Variants in RNGTT observed in about 807,000 individuals in gnomAD.
The protein encoded by RNGTT is mRNA-capping enzyme.
Under a neutral mutation model 79.3 loss-of-function variants are expected in RNGTT, and 33 were observed. The ratio of observed to expected loss-of-function variants is 0.42; its 90% CI spans 0.32 to 0.56. The LOEUF (loss-of-function observed/expected upper bound fraction) is 0.56. Among genes scored for constraint, RNGTT ranks in the 20% least tolerant of loss-of-function variants. The pLI is 0.17. For synonymous variants in RNGTT, 222 were observed against 235.9 expected (o/e 0.94, Z 0.54); for missense variants, 497 against 739.1 (o/e 0.67, Z 3.80).
Position 88,853,768 on chromosome 6 carries a change from T to C in RNGTT, c.897-4A>G. 6.6e-7 allele frequency: 1 copy of C among 1,515,012 alleles called. No homozygotes were observed. Among genetic ancestry groups the C allele is most frequent in the South Asian group, 1.2e-5 (1 of 84,370 alleles). 93.8% of individuals were successfully genotyped at this position (1,515,012 alleles called of 1,614,324 possible). On this transcript the variant is annotated splice_polypyrimidine_tract_variant and splice_region_variant and intron_variant, in intron 8 of 15. Transcript: ENST00000369485. ...GCCATCAATCAACATCATGTACCTG[T>C]AAATGAAACATTAAAAAGCTAATAT...
intron 14 of RNGTT, among the ~76,000 whole-genome samples, chr6:88,615,013 G>GT (rs1051358930): frequency 3.7e-4 from 56 of 152,236 alleles, no homozygotes; most frequent in African/African-American, 1.3e-3. Flanking sequence ...TAGTTGATGG[G>GT]TTTTTTGGCT....
chr6:88,773,186 T>C (rs1289572087), intron 12 of RNGTT, among the ~76,000 whole-genome samples: 3 of 150,544 alleles, frequency 2.0e-5, no homozygotes, highest in African/African-American at 7.4e-5. Flanking sequence ...TGGATGAAAT[T>C]GGAAATCATC....
chr6:88,684,825 T>C (rs1407846315), intron 13 of RNGTT, among the ~76,000 whole-genome samples: 3 of 152,244 alleles, frequency 2.0e-5, no homozygotes, highest in East Asian at 3.9e-4. Flanking sequence ...CTAATAAATG[T>C]AGCACTCTGA....
chr6:88,829,386 G>A lies in RNGTT; in HGVS notation c.1269+14971C>T, dbSNP rs117374968. Among the ~76,000 whole-genome samples, 184 of 152,058 alleles carry A rather than the reference G, an allele frequency of 1.2e-3. 4 individuals carry two copies. The East Asian group carries it at 0.032, about 26-fold the overall frequency. On this transcript the variant is annotated intron_variant, in intron 11 of 15. Coordinates refer to ENST00000369485, the MANE Select transcript of RNGTT (RefSeq NM_003800.5). ...AGCTCCTGAAGGAAGCACCAAATACGGAAGGAAAAAACCAGTATCAACCAC... is the reference window on the plus strand; with the variant it reads ...AGCTCCTGAAGGAAGCACCAAATACAGAAGGAAAAAACCAGTATCAACCAC...
intron 8 of RNGTT, among the ~76,000 whole-genome samples, chr6:88,866,633 G>T (rs988830633): frequency 6.6e-6 from 1 of 152,196 alleles, no homozygotes; most frequent in East Asian, 1.9e-4. Context: ...AGAAAGTAAG[G>T]ACTCTAATAA....
chr6:88,729,095 C>T (rs933119714), intron 13 of RNGTT, among the ~76,000 whole-genome samples: 3 of 152,166 alleles, frequency 2.0e-5, no homozygotes, highest in Non-Finnish European at 2.9e-5. Context: ...TGTCAAAGTC[C>T]GACACCCTGC....
intron 2 of RNGTT, among the ~76,000 whole-genome samples, chr6:88,934,642 T>C (rs1233119145): frequency 6.6e-6 from 1 of 152,186 alleles, no homozygotes; most frequent in Non-Finnish European, 1.5e-5. Context: ...GTGCAGAAGC[T>C]TTTTTATTTT....
At chr6:88,629,196 G>A (rs193058131) in intron 14 of RNGTT, among the ~76,000 whole-genome samples, 1 of 152,142 alleles carries the variant, frequency 6.6e-6, no homozygotes, top group Non-Finnish European at 1.5e-5. Context: ...CTGTGAAATG[G>A]GGATTAAGTG....
chr6:88,911,996 T>C (rs1452358542), intron 4 of RNGTT, among the ~76,000 whole-genome samples: 2 of 151,898 alleles, frequency 1.3e-5, no homozygotes, highest in Non-Finnish European at 2.9e-5. Context: ...GGTGGGAGGA[T>C]TGCTTGAACC....
Position 88,612,489 on chromosome 6 carries a change from G to A in RNGTT, c.*230C>T, listed in dbSNP as rs1772060962. 1 of 432,854 alleles carries A rather than the reference G, an allele frequency of 2.3e-6. No homozygotes were observed. Among genetic ancestry groups the A allele is most frequent in the Non-Finnish European group, 4.1e-6 (1 of 241,952 alleles). The allele number at this position is 432,854 out of a possible 1,614,324, so 26.8% of individuals were successfully genotyped here. A position where few individuals can be genotyped will look rare whatever the true frequency, so the allele number is the denominator to read the frequency against. ...TTCAGATTCCACAAGGTAAGGCTGA[G>A]TTTATCAGATAAATAAGATGTTTAA... On this transcript the variant is annotated 3_prime_UTR_variant, in exon 16 of 16. Transcript: ENST00000369485.
At chr6:88,889,067 T>C (rs1782960538) in intron 8 of RNGTT, among the ~76,000 whole-genome samples, 1 of 152,184 alleles carries the variant, frequency 6.6e-6, no homozygotes, top group African/African-American at 2.4e-5. Context: ...ACCTGCCATA[T>C]AACCCAGAGA....
At chr6:88,793,585 C>T (rs1207487807) in intron 12 of RNGTT, among the ~76,000 whole-genome samples, 5 of 152,104 alleles carry the variant, frequency 3.3e-5, no homozygotes, top group Admixed American at 3.3e-4. Flanking sequence ...GGTAGGATGG[C>T]CAGGTGTGGT....
At chr6:88,709,804 G>T (rs1291800507) in intron 13 of RNGTT, among the ~76,000 whole-genome samples, 1 of 152,114 alleles carries the variant, frequency 6.6e-6, no homozygotes, top group African/African-American at 2.4e-5. Context: ...TACCATATTG[G>T]AAAGTACAAA....
At position 88,926,434 on chromosome 6, in the gene RNGTT, T is replaced by A. The variant is rs577311761; in HGVS notation, c.367+2551A>T. Among the ~76,000 whole-genome samples, 22 of 152,378 alleles carry A rather than the reference T, an allele frequency of 1.4e-4. No homozygotes were observed. In the South Asian group the frequency reaches 3.9e-3, roughly 27 times the overall value. ...TAATAGAGGTGGGGATTTTACAAATTAATTTCAAAGTAATTCTGCCTAACT... is the reference window on the plus strand; with the variant it reads ...TAATAGAGGTGGGGATTTTACAAATAAATTTCAAAGTAATTCTGCCTAACT... On this transcript the variant is annotated intron_variant, in intron 4 of 15. Coordinates refer to ENST00000369485, the MANE Select transcript of RNGTT (RefSeq NM_003800.5).
intron 4 of RNGTT, among the ~76,000 whole-genome samples, chr6:88,913,214 CAAAAAAAAAA>C (rs58717773): frequency 1.5e-5 from 1 of 65,544 alleles, no homozygotes; most frequent in Non-Finnish European, 3.6e-5. Context: ...CAAAAAAAAA[CAAAAAAAAAA>C]AACAAAAAAA....
chr6:88,933,760 T>C (rs60979143), intron 2 of RNGTT, among the ~76,000 whole-genome samples: 2,100 of 152,354 alleles, frequency 0.014, 47 homozygotes, highest in African/African-American at 0.049. Context: ...TTTTTCTTCA[T>C]GGCTGCATAG....
At chr6:88,827,900 T>C (rs1273552453) in intron 11 of RNGTT, among the ~76,000 whole-genome samples, 4 of 152,112 alleles carry the variant, frequency 2.6e-5, no homozygotes, top group African/African-American at 9.7e-5. Flanking sequence ...CATGGGCTTA[T>C]AGATAAAACT....
At chr6:88,677,729 G>A (rs542204754) in intron 14 of RNGTT, among the ~76,000 whole-genome samples, 36 of 151,862 alleles carry the variant, frequency 2.4e-4, no homozygotes, top group Non-Finnish European at 5.0e-4. Flanking sequence ...CTCCCACCTC[G>A]GCCTCAAAAA....
At chr6:88,927,780 GC>G (rs1294688718) in intron 4 of RNGTT, among the ~76,000 whole-genome samples, 2 of 150,978 alleles carry the variant, frequency 1.3e-5, no homozygotes, top group East Asian at 3.9e-4. Flanking sequence ...GTTGCAGTGA[GC>G]CGAGATCACT....
Sources: allele counts gnomAD v4.1 joint callset (sites outside exome capture counted in the v4.1 genomes callset), GRCh38; gene constraint gnomAD v4.1.1; transcripts MANE v1.5; gene names NCBI Gene and HGNC (gene_info 2026-07-23, HGNC 2026-07-21).